Variants in ZHX3 observed in about 807,000 individuals in gnomAD.
The protein encoded by ZHX3 is zinc fingers and homeoboxes 3.
In ZHX3, 20 loss-of-function variants were observed where a neutral mutation model predicts 64.5. The observed-to-expected ratio is 0.31, with a 90% confidence interval of 0.22 to 0.45. The LOEUF is 0.45. Ranked by LOEUF, ZHX3 falls within the 20% of genes least tolerant of loss-of-function variation. The pLI, the probability that ZHX3 is intolerant of heterozygous loss-of-function variation, is 1.00. For synonymous variants in ZHX3, 423 were observed against 461.6 expected (o/e 0.92, Z 1.07); for missense variants, 1,041 against 1,195.8 (o/e 0.87, Z 1.91).
Position 41,202,960 on chromosome 20 carries a change from G to C in ZHX3, c.1957C>G (p.Arg653Gly). 1.2e-6 allele frequency: 2 copies of C among 1,614,030 alleles called. No homozygotes were observed. The highest frequency in any genetic ancestry group is 2.2e-5 in the East Asian group (1 of 44,876). The part of the protein sequence containing the change: ...DRLRSETKMT[R>G]REIDSWFSER... Reference sequence around the variant, plus strand: ...GAAAACCAGCTATCAATTTCTCGTCGGGTCATTTTGGTTTCACTTCTCAGG... The same window carrying C: ...GAAAACCAGCTATCAATTTCTCGTCCGGTCATTTTGGTTTCACTTCTCAGG... Residue 653 changes from arginine (R) to glycine (G), a missense_variant, in exon 3 of 4, where the codon CGA becomes GGA. This residue lies in a region of ZHX3 where 649 missense variants were observed against 739.8 expected (regional missense o/e 0.88). Transcript: ENST00000683867. The surrounding 1 kb of genome is among the most constrained non-coding windows in gnomAD (Gnocchi z 7.0).
At position 41,201,277 on chromosome 20, in the gene ZHX3, G is replaced by A; in HGVS notation, c.2860+780C>T. 1 of 1,297,984 alleles carries A rather than the reference G, an allele frequency of 7.7e-7. No homozygotes were observed. The highest frequency in any genetic ancestry group is 1.0e-6 in the Non-Finnish European group (1 of 986,940). 80.4% of individuals were successfully genotyped at this position (1,297,984 alleles called of 1,614,324 possible). A position where few individuals can be genotyped will look rare whatever the true frequency, so the allele number is the denominator to read the frequency against. ...AGCTTCTACAATACTCCGCCCTCCT[G>A]GCTCTCACCTGAGCTTCTGGCTGCC... On this transcript the variant is annotated intron_variant, in intron 3 of 3. Transcript: ENST00000683867. This position sits in a 1 kb window ranked among gnomAD's most constrained non-coding sequence, Gnocchi z 5.0.
At chr20:41,272,325 G>C (rs2043183041) in intron 1 of ZHX3, 2 of 152,184 alleles carry the variant, frequency 1.3e-5, no homozygotes, top group African/African-American at 4.8e-5. Context: ...ACAGTTATCT[G>C]TGAGATCACA....
At chr20:41,196,506 A>ATATAT (rs2037659906) in intron 3 of ZHX3, 1 of 44,296 alleles carries the variant, frequency 2.3e-5, no homozygotes, top group Non-Finnish European at 4.0e-5. Context: ...TATATATTAT[A>ATATAT]AATATATATT....
intron 2 of ZHX3, among the ~76,000 whole-genome samples, chr20:41,240,584 T>C (rs972200773): frequency 3.9e-5 from 6 of 152,190 alleles, no homozygotes; most frequent in African/African-American, 1.4e-4. Flanking sequence ...AGTCACCCTG[T>C]TGTGCTGGCA....
intron 2 of ZHX3, among the ~76,000 whole-genome samples, chr20:41,249,092 A>AT (rs2041861951): frequency 6.6e-6 from 1 of 152,168 alleles, no homozygotes; most frequent in Non-Finnish European, 1.5e-5. Context: ...TCTCACTCTG[A>AT]TTTTTTTAAA....
intron 1 of ZHX3, among the ~76,000 whole-genome samples, chr20:41,291,328 A>G (rs1431968201): frequency 6.6e-6 from 1 of 152,230 alleles, no homozygotes; most frequent in African/African-American, 2.4e-5. Flanking sequence ...ATGCTGCCAG[A>G]GAAAGGCAAA....
chr20:41,227,576 A>G (rs933884763), intron 2 of ZHX3, among the ~76,000 whole-genome samples: 1 of 152,206 alleles, frequency 6.6e-6, no homozygotes, highest in Non-Finnish European at 1.5e-5. Flanking sequence ...GATAGTTAGC[A>G]TATTTATTTC....
At chr20:41,194,957 T>C (rs2037363317) in intron 3 of ZHX3, among the ~76,000 whole-genome samples, 2 of 152,176 alleles carry the variant, frequency 1.3e-5, no homozygotes, top group South Asian at 4.1e-4. Flanking sequence ...TTCATTCTTA[T>C]TTAAAGGTTT....
chr20:41,208,643 C>A (rs926860750), intron 2 of ZHX3, among the ~76,000 whole-genome samples: 1 of 152,076 alleles, frequency 6.6e-6, no homozygotes, highest in Non-Finnish European at 1.5e-5. Context: ...ATTCAACAGC[C>A]CTTCATGCTA....
intron 2 of ZHX3, among the ~76,000 whole-genome samples, chr20:41,264,559 C>CAAAAAAAAAAAAAAAAAAAAAAAAAAA (rs1459734000): frequency 1.2e-5 from 1 of 83,900 alleles, no homozygotes. Context: ...AACTCCATCT[C>CAAAAAAAAAAAAAAAAAAAAAAAAAAA]AAAAAAAAAA....
intron 1 of ZHX3, among the ~76,000 whole-genome samples, chr20:41,279,109 A>C (rs59130258): frequency 0.21 from 32,520 of 152,024 alleles, 3,598 homozygotes; most frequent in South Asian, 0.29. Flanking sequence ...TAAATAAACT[A>C]TTGTCTTCAC....
chr20:41,222,318 T>C (rs1280452361), intron 2 of ZHX3, among the ~76,000 whole-genome samples: 1 of 152,204 alleles, frequency 6.6e-6, no homozygotes, highest in African/African-American at 2.4e-5. Context: ...ACTAGAAGGA[T>C]AGTGTTGCCA....
intron 3 of ZHX3, among the ~76,000 whole-genome samples, chr20:41,192,176 G>C (rs925611362): frequency 6.6e-6 from 1 of 152,150 alleles, no homozygotes; most frequent in Non-Finnish European, 1.5e-5. Context: ...CCCACAAGTG[G>C]TACATACAGG....
rs1210562843 is a variant in ZHX3 at position 41,292,681 on chromosome 20, G to C, written c.-244-23598C>G. Among the ~76,000 whole-genome samples the C allele has an allele frequency of 2.0e-5, 3 of 152,100 alleles. No individual in the cohort carries two copies. The East Asian group carries it at 5.8e-4, about 29-fold the overall frequency. On this transcript the variant is annotated intron_variant, in intron 1 of 3. Coordinates refer to ENST00000683867, the MANE Select transcript of ZHX3 (RefSeq NM_001384317.1). The stretch of plus-strand genomic sequence containing the variant: ...CATCCATTTTATCCAAATTCCAATA[G>C]AGTAAGAAAAAAATTGGATGCTCCA...
At chr20:41,217,329 A>G (rs952663916) in intron 2 of ZHX3, among the ~76,000 whole-genome samples, 32 of 152,182 alleles carry the variant, frequency 2.1e-4, no homozygotes, top group Admixed American at 2.0e-4. Flanking sequence ...AAATTTGACC[A>G]TGAACTTATA....
intron 1 of ZHX3, among the ~76,000 whole-genome samples, chr20:41,312,529 G>T (rs1378631586): frequency 6.6e-6 from 1 of 152,184 alleles, no homozygotes; most frequent in Non-Finnish European, 1.5e-5. Flanking sequence ...CAGAAGGAAT[G>T]AACTCCGGAC....
Position 41,317,709 on chromosome 20 carries a change from C to G in ZHX3, c.-445G>C, listed in dbSNP as rs1395573630. Reference sequence around the variant, plus strand: ...GGCCGCTCGGCTGGGCTCGGCCGCTCTCGGAGGCGCTCGGCTCTGCTCGGC... The same window carrying G: ...GGCCGCTCGGCTGGGCTCGGCCGCTGTCGGAGGCGCTCGGCTCTGCTCGGC... On this transcript the variant is annotated 5_prime_UTR_variant, in exon 1 of 4. Transcript: ENST00000683867. 1 of 151,858 alleles carries G rather than the reference C, an allele frequency of 6.6e-6. No homozygotes were observed. Among genetic ancestry groups the G allele is most frequent in the Non-Finnish European group, 1.5e-5 (1 of 67,952 alleles). The allele number at this position is 151,858 out of a possible 1,614,324, so 9.4% of individuals were successfully genotyped here.
chr20:41,283,922 G>A (rs1434127159), intron 1 of ZHX3, among the ~76,000 whole-genome samples: 1 of 152,128 alleles, frequency 6.6e-6, no homozygotes, highest in Non-Finnish European at 1.5e-5. Flanking sequence ...GATGAGGAGA[G>A]AAGAGAAAAC....
chr20:41,254,946 A>AG (rs1202580937), intron 2 of ZHX3, among the ~76,000 whole-genome samples: 1 of 152,076 alleles, frequency 6.6e-6, no homozygotes, highest in Non-Finnish European at 1.5e-5. Flanking sequence ...GCGATACCCG[A>AG]GGGAGACTGA....
Sources: gnomAD v4.1 joint callset for allele counts (sites outside exome capture counted in the v4.1 genomes callset) on GRCh38, gnomAD v4.1.1 for gene constraint, gnomAD v4.1.1 regional missense constraint, Gnocchi (gnomAD v3.1) non-coding constraint, MANE v1.5 for transcripts, NCBI Gene and HGNC (gene_info 2026-07-23, HGNC 2026-07-21) for gene names.